The following SGCD variants were observed in gnomAD, a reference collection of about 807,000 sequenced individuals.
The protein encoded by SGCD is sarcoglycan delta, also known as delta-sarcoglycan.
A neutral mutation model predicts 36.6 loss-of-function variants in SGCD; 18 were observed. The ratio of observed to expected loss-of-function variants is 0.49; its 90% CI spans 0.34 to 0.73. SGCD has a LOEUF of 0.73. Among genes scored for constraint, SGCD ranks in the 30% least tolerant of loss-of-function variants. SGCD has a pLI of 0.01. For synonymous variants in SGCD, 133 were observed against 130.6 expected (o/e 1.02, Z -0.12); for missense variants, 387 against 346.7 (o/e 1.12, Z -0.92).
chr5:156,423,381 ATATAATATATTATATTTTAT>A (rs1331215258), intron 3 of SGCD, among the ~76,000 whole-genome samples: 1,038 of 93,646 alleles, frequency 0.011, 24 homozygotes, highest in Middle Eastern at 0.036. Flanking sequence ...TTTTATTATA[ATATAATATATTATATTTTAT>A]TATAATATAA....
chr5:156,127,250 G>T (rs1268189128), intron 3 of SGCD, among the ~76,000 whole-genome samples: 1 of 152,024 alleles, frequency 6.6e-6, no homozygotes, highest in Non-Finnish European at 1.5e-5. Context: ...GGAAAAAATA[G>T]ATATAAAATT....
intron 3 of SGCD, among the ~76,000 whole-genome samples, chr5:156,348,615 A>G (rs1006022230): frequency 1.6e-4 from 25 of 152,230 alleles, no homozygotes; most frequent in Non-Finnish European, 2.9e-5. Context: ...ACACAAACAA[A>G]TGGAAAACCA....
chr5:156,423,470 A>G (rs1160678165), intron 3 of SGCD, among the ~76,000 whole-genome samples: 1 of 129,938 alleles, frequency 7.7e-6, no homozygotes, highest in East Asian at 2.1e-4. Context: ...TTAATTAAAT[A>G]ATAATTAATT....
rs978367010 is a variant in SGCD at position 156,273,064 on chromosome 5, T to C, written c.-43-56470T>C. Among the ~76,000 whole-genome samples, 5 of 152,308 alleles carry C rather than the reference T, an allele frequency of 3.3e-5. No individual in the cohort carries two copies. In the East Asian group the frequency reaches 9.6e-4, roughly 29 times the overall value. Reference sequence around the variant, plus strand: ...ATTTCCTTTCTTCATACATTTTCCATGATCAGTTCCTGTGCATAGAAGAGA... The same window carrying C: ...ATTTCCTTTCTTCATACATTTTCCACGATCAGTTCCTGTGCATAGAAGAGA... On this transcript the variant is annotated intron_variant, in intron 3 of 9. Transcript: ENST00000517913.
the SGCD span, among the ~76,000 whole-genome samples, chr5:155,782,867 C>A: frequency 6.6e-6 from 1 of 152,152 alleles, no homozygotes; most frequent in Non-Finnish European, 1.5e-5. Context: ...CCCCTCTTTA[C>A]CCTGGTCAGT....
intron 1 of SGCD, among the ~76,000 whole-genome samples, chr5:156,036,819 G>C (rs1397058247): frequency 1.3e-5 from 2 of 152,146 alleles, no homozygotes; most frequent in African/African-American, 4.8e-5. Flanking sequence ...AACCAAATAT[G>C]CTTCACCCCA....
At chr5:156,423,128 A>C (rs944336988) in intron 3 of SGCD, among the ~76,000 whole-genome samples, 16 of 127,110 alleles carry the variant, frequency 1.3e-4, no homozygotes, top group Non-Finnish European at 2.4e-4. Flanking sequence ...AATATTAATT[A>C]ATTAATAATT....
chr5:156,640,557 T>C (rs116487397), intron 6 of SGCD, among the ~76,000 whole-genome samples: 2,830 of 152,338 alleles, frequency 0.019, 37 homozygotes, highest in South Asian at 0.029. Context: ...ATTCACATAA[T>C]AGGTACTTGT....
intron 2 of SGCD, among the ~76,000 whole-genome samples, chr5:156,343,391 A>G (rs1024267680): frequency 6.6e-6 from 1 of 152,228 alleles, no homozygotes; most frequent in African/African-American, 2.4e-5. Flanking sequence ...ATGACAGAGT[A>G]GAGATGCTGT....
chr5:155,730,491 G>A, the SGCD span, among the ~76,000 whole-genome samples: 2 of 147,606 alleles, frequency 1.4e-5, no homozygotes, highest in African/African-American at 2.6e-5. Flanking sequence ...GGGAAATTGG[G>A]GGAAAGGGAG....
At chr5:155,975,298 C>T (rs999549109) in intron 1 of SGCD, among the ~76,000 whole-genome samples, 2 of 152,080 alleles carry the variant, frequency 1.3e-5, no homozygotes, top group African/African-American at 2.4e-5. Flanking sequence ...TTGCCTAACA[C>T]AATGGTTCTC....
chr5:156,147,423 A>T (rs950772484), intron 3 of SGCD, among the ~76,000 whole-genome samples: 1 of 151,990 alleles, frequency 6.6e-6, no homozygotes, highest in Non-Finnish European at 1.5e-5. Flanking sequence ...TGCTTTCCGG[A>T]CTCTCTGACC....
At chr5:156,255,242 G>C (rs1199247058) in intron 3 of SGCD, among the ~76,000 whole-genome samples, 1 of 152,146 alleles carries the variant, frequency 6.6e-6, no homozygotes, top group Non-Finnish European at 1.5e-5. Context: ...TACTTAATCT[G>C]TAGTAAACCA....
rs139381617 is a variant in SGCD at position 156,221,883 on chromosome 5, T to G, written c.-44+97864T>G. On this transcript the variant is annotated intron_variant, in intron 3 of 9. Transcript: ENST00000517913. ...AGAGGTTAAATAACTTGCTGAGGAT[T>G]TGCAACTAATGCCAGATAGTACTCC... Among the ~76,000 whole-genome samples, 362 of 152,172 alleles carry G rather than the reference T, an allele frequency of 2.4e-3. 1 individual carries two copies. Among genetic ancestry groups the G allele is most frequent in the African/African-American group, 8.5e-3 (355 of 41,546 alleles).
intron 6 of SGCD, among the ~76,000 whole-genome samples, chr5:156,645,017 T>C (rs983406164): frequency 5.9e-5 from 9 of 152,058 alleles, no homozygotes; most frequent in African/African-American, 2.2e-4. Flanking sequence ...CAGAACACTT[T>C]AGATAGATCC....
chr5:156,625,483 G>A (rs960843519), intron 6 of SGCD, among the ~76,000 whole-genome samples: 11 of 152,194 alleles, frequency 7.2e-5, no homozygotes, highest in African/African-American at 2.4e-4. Context: ...TAATCTGTGA[G>A]TTCTGTTGGT....
At chr5:156,520,802 G>C (rs547433956) in intron 4 of SGCD, among the ~76,000 whole-genome samples, 6 of 152,052 alleles carry the variant, frequency 3.9e-5, no homozygotes, top group Non-Finnish European at 7.4e-5. Context: ...TGGATCACGA[G>C]GTCAGGAGAT....
chr5:156,334,816 A>C (rs755955366), intron 2 of SGCD, among the ~76,000 whole-genome samples: 1 of 152,034 alleles, frequency 6.6e-6, no homozygotes, highest in Non-Finnish European at 1.5e-5. Flanking sequence ...GCGTCAGGGG[A>C]GGAACTGAAG....
intron 1 of SGCD, among the ~76,000 whole-genome samples, chr5:155,925,042 T>A (rs1298426874): frequency 2.7e-5 from 4 of 150,312 alleles, no homozygotes; most frequent in Non-Finnish European, 4.4e-5. Flanking sequence ...AATTAAGAAT[T>A]TGTAAAAGTG....
Sources: gnomAD v4.1 joint callset for allele counts (sites outside exome capture counted in the v4.1 genomes callset) on GRCh38, gnomAD v4.1.1 for gene constraint, MANE v1.5 for transcripts, NCBI Gene and HGNC (gene_info 2026-07-23, HGNC 2026-07-21) for gene names.